DTNB: variants seen among roughly 807,000 people sequenced by gnomAD.
DTNB encodes the protein DTN-B.
Under a neutral mutation model 90.7 loss-of-function variants are expected in DTNB, and 63 were observed. The observed-to-expected ratio is 0.69, with a 90% confidence interval of 0.57 to 0.86. The LOEUF (loss-of-function observed/expected upper bound fraction) is 0.86. Among genes scored for constraint, DTNB ranks in the 40% least tolerant of loss-of-function variants. DTNB has a pLI of 0.00. For missense variants in DTNB, 744 were observed against 807.1 expected, an observed-to-expected ratio of 0.92 and a Z score of 0.95; for synonymous variants, 277 against 286.7, an observed-to-expected ratio of 0.97 and a Z score of 0.34.
intron 8 of DTNB, among the ~76,000 whole-genome samples, chr2:25,567,854 T>C (rs996143618): frequency 1.4e-4 from 22 of 152,190 alleles, no homozygotes; most frequent in African/African-American, 5.1e-4. Context: ...GAGCCTTCCT[T>C]GCATATCAAG....
chr2:25,634,343 A>G (rs1573787943), intron 3 of DTNB, among the ~76,000 whole-genome samples: 1 of 108,134 alleles, frequency 9.2e-6, no homozygotes, highest in Non-Finnish European at 1.9e-5. Flanking sequence ...TGGGGGGGTC[A>G]GCCCCCCGCC....
chr2:25,521,636 T>A (rs964673281), intron 9 of DTNB, among the ~76,000 whole-genome samples: 1 of 151,790 alleles, frequency 6.6e-6, no homozygotes, highest in African/African-American at 2.4e-5. Flanking sequence ...ACTCAAGTGA[T>A]CCACTCCCCT....
At chr2:25,550,381 A>C (rs1020481951) in intron 8 of DTNB, among the ~76,000 whole-genome samples, 1 of 152,054 alleles carries the variant, frequency 6.6e-6, no homozygotes, top group South Asian at 2.1e-4. Context: ...AAAGAGCGAG[A>C]CTCTGTCTCA....
chr2:25,594,464 C>T (rs145883370), intron 6 of DTNB, among the ~76,000 whole-genome samples: 54 of 152,274 alleles, frequency 3.5e-4, no homozygotes, highest in Non-Finnish European at 6.9e-4. Flanking sequence ...AACCTCTAAA[C>T]AAACTAAATA....
intron 9 of DTNB, among the ~76,000 whole-genome samples, chr2:25,503,194 A>C (rs901472767): frequency 6.6e-6 from 1 of 151,948 alleles, no homozygotes; most frequent in Non-Finnish European, 1.5e-5. Context: ...AGTCCACACA[A>C]AGGAAGCTAT....
At chr2:25,462,112 A>G (rs2061042348) in intron 10 of DTNB, among the ~76,000 whole-genome samples, 1 of 152,164 alleles carries the variant, frequency 6.6e-6, no homozygotes. Flanking sequence ...CTTCTGCTCA[A>G]TCAATCGGGG....
intron 9 of DTNB, among the ~76,000 whole-genome samples, chr2:25,499,402 T>G (rs759312292): frequency 6.6e-6 from 1 of 152,142 alleles, no homozygotes; most frequent in Non-Finnish European, 1.5e-5. Flanking sequence ...GATTTTCACA[T>G]GCTGTGCTCT....
chr2:25,606,283 G>A (rs2067088578), intron 5 of DTNB, among the ~76,000 whole-genome samples: 1 of 151,922 alleles, frequency 6.6e-6, no homozygotes, highest in Non-Finnish European at 1.5e-5. Context: ...ACCTCATTAA[G>A]ACTTCAGTCT....
In DTNB at chr2:25,662,151, G is replaced by A. The variant is rs13036158; in HGVS notation, c.-1-9490C>T. Among the ~76,000 whole-genome samples the A allele has an allele frequency of 2.0e-3, 234 of 117,572 alleles. 1 individual carries two copies. Among genetic ancestry groups the A allele is most frequent in the African/African-American group, 3.8e-3 (136 of 35,360 alleles). 77.1% of individuals were successfully genotyped at this position (117,572 alleles called of 152,430 possible). A position where few individuals can be genotyped will look rare whatever the true frequency, so the allele number is the denominator to read the frequency against. On this transcript the variant is annotated intron_variant, in intron 1 of 20. Coordinates refer to ENST00000406818, the MANE Select transcript of DTNB (RefSeq NM_021907.5). ...AGCCTGGGTGACAGAGCGAGACTCC[G>A]TCTCAAAAAAAAAAAAACAAAAAAA...
At chr2:25,556,248 G>A (rs1045209913) in intron 8 of DTNB, among the ~76,000 whole-genome samples, 3 of 131,998 alleles carry the variant, frequency 2.3e-5, no homozygotes, top group African/African-American at 5.9e-5. Flanking sequence ...AAAAATCCTA[G>A]TATACTTGGT....
intron 8 of DTNB, among the ~76,000 whole-genome samples, chr2:25,546,215 A>C (rs892329555): frequency 8.5e-5 from 13 of 152,332 alleles, no homozygotes; most frequent in African/African-American, 3.1e-4. Context: ...TAAGTGGACC[A>C]GGGTGGGAAC....
chr2:25,399,030 G>GT (rs1381633031), intron 16 of DTNB, among the ~76,000 whole-genome samples: 2 of 152,190 alleles, frequency 1.3e-5, no homozygotes, highest in East Asian at 3.9e-4. Flanking sequence ...TCTCCAGGAA[G>GT]TAATACATCT....
At chr2:25,390,448 T>C (rs1376286778) in intron 16 of DTNB, among the ~76,000 whole-genome samples, 4 of 151,444 alleles carry the variant, frequency 2.6e-5, no homozygotes, top group Non-Finnish European at 5.9e-5. Flanking sequence ...TTTCGTCTTC[T>C]CTTTTTTTTT....
At chr2:25,417,740 T>G (rs1189097043) in intron 16 of DTNB, among the ~76,000 whole-genome samples, 4 of 152,104 alleles carry the variant, frequency 2.6e-5, no homozygotes, top group African/African-American at 9.7e-5. Context: ...ACAGGTGAAG[T>G]GACACCCTGG....
At chr2:25,549,132 G>A (rs2083065689) in intron 8 of DTNB, among the ~76,000 whole-genome samples, 1 of 151,796 alleles carries the variant, frequency 6.6e-6, no homozygotes, top group Admixed American at 6.6e-5. Context: ...AGTGGTTTTT[G>A]TTGTTTTCTT....
rs1040788841 is a variant in DTNB, at chr2:25,383,980, G to A, written c.1826-91C>T. 6.2e-6 allele frequency: 10 copies of A among 1,600,914 alleles called. No individual in the cohort carries two copies. In the African/African-American group the frequency reaches 8.0e-5, roughly 13 times the overall value. ...ACAAAGCAACTGCTGAGGCTTGGGA[G>A]GAAACTCTAGCTAACAGCTCCTGGC... On this transcript the variant is annotated intron_variant, in intron 18 of 20. Transcript: ENST00000406818.
At chr2:25,653,518 T>TCTTTCTTTC (rs1289266220) in intron 1 of DTNB, among the ~76,000 whole-genome samples, 1 of 139,468 alleles carries the variant, frequency 7.2e-6, no homozygotes, top group Non-Finnish European at 1.6e-5. Context: ...TTTCTTTCTT[T>TCTTTCTTTC]TTTTTTTTTT....
intron 2 of DTNB, among the ~76,000 whole-genome samples, chr2:25,649,242 C>T (rs765464301): frequency 2.0e-5 from 3 of 151,914 alleles, no homozygotes; most frequent in Non-Finnish European, 4.4e-5. Context: ...CCTGATCTCA[C>T]GACCCGCCTG....
At chr2:25,436,400 T>C (rs2055788667) in intron 12 of DTNB, among the ~76,000 whole-genome samples, 1 of 152,080 alleles carries the variant, frequency 6.6e-6, no homozygotes, top group African/African-American at 2.4e-5. Context: ...CTCCCTTTTA[T>C]TGATTAACCA....
Sources: allele counts gnomAD v4.1 joint callset (sites outside exome capture counted in the v4.1 genomes callset), GRCh38; gene constraint gnomAD v4.1.1; transcripts MANE v1.5; gene names NCBI Gene and HGNC (gene_info 2026-07-23, HGNC 2026-07-21).